Variants in GRID2 observed in about 807,000 individuals in gnomAD.
GRID2 encodes the protein glutamate ionotropic receptor delta type subunit 2, also known as glutamate receptor ionotropic, delta-2.
GRID2 carries 33 observed loss-of-function variants against 114.8 expected under a neutral mutation model. The ratio of observed to expected loss-of-function variants is 0.29; its 90% CI spans 0.22 to 0.38. GRID2 has a LOEUF of 0.38. Ranked by LOEUF, GRID2 falls within the 10% of genes least tolerant of loss-of-function variation. The pLI is 1.00. For synonymous variants in GRID2, 505 were observed against 449.9 expected, an observed-to-expected ratio of 1.12 and a Z score of -1.55; for missense variants, 1,184 against 1,257.7, an observed-to-expected ratio of 0.94 and a Z score of 0.89.
At chr4:92,541,489 TAATA>T (rs1405291583) in intron 1 of GRID2, among the ~76,000 whole-genome samples, 3 of 151,786 alleles carry the variant, frequency 2.0e-5, no homozygotes, top group Non-Finnish European at 2.9e-5. Flanking sequence ...TTTCCAATAA[TAATA>T]ATAATAATAT....
chr4:92,736,155 A>G (rs1736586990), intron 2 of GRID2, among the ~76,000 whole-genome samples: 1 of 152,138 alleles, frequency 6.6e-6, no homozygotes, highest in African/African-American at 2.4e-5. Context: ...TTATAAGGAA[A>G]ATAGAAAGGT....
At chr4:92,982,657 CT>C (rs1480317036) in intron 2 of GRID2, among the ~76,000 whole-genome samples, 1 of 152,032 alleles carries the variant, frequency 6.6e-6, no homozygotes, top group Non-Finnish European at 1.5e-5. Context: ...ACATTCTTTA[CT>C]CATTTGATTC....
At chr4:93,625,220 G>A (rs1301084753) in intron 13 of GRID2, among the ~76,000 whole-genome samples, 7 of 152,212 alleles carry the variant, frequency 4.6e-5, no homozygotes, top group Admixed American at 2.6e-4. Context: ...AACCCAAGGC[G>A]TCAGTAGCTC....
chr4:92,973,002 C>A (rs894234126), intron 2 of GRID2, among the ~76,000 whole-genome samples: 4 of 152,126 alleles, frequency 2.6e-5, no homozygotes, highest in Non-Finnish European at 5.9e-5. Context: ...TTAATCCAGT[C>A]TATCGTTGAT....
chr4:93,191,961 T>G (rs981475966), intron 4 of GRID2, among the ~76,000 whole-genome samples: 4 of 152,204 alleles, frequency 2.6e-5, no homozygotes, highest in Non-Finnish European at 5.9e-5. Context: ...GACCATTCAT[T>G]GTTCTTTTTA....
chr4:93,122,051 G>A (rs1733827888), intron 4 of GRID2, among the ~76,000 whole-genome samples: 1 of 152,058 alleles, frequency 6.6e-6, no homozygotes, highest in African/African-American at 2.4e-5. Flanking sequence ...CTTCTCTTCT[G>A]TCTGTCTTTT....
At chr4:93,279,749 G>A (rs1752458270) in intron 8 of GRID2, among the ~76,000 whole-genome samples, 1 of 151,858 alleles carries the variant, frequency 6.6e-6, no homozygotes, top group Admixed American at 6.6e-5. Context: ...GTTAAGAATG[G>A]CAGGTTAATT....
intron 7 of GRID2, among the ~76,000 whole-genome samples, chr4:93,233,636 C>G (rs1746415765): frequency 1.3e-5 from 2 of 152,074 alleles, no homozygotes; most frequent in African/African-American, 4.8e-5. Flanking sequence ...AGCCACCACA[C>G]CCAGCCGACA....
At chr4:92,676,812 GCT>G (rs1173523105) in intron 2 of GRID2, among the ~76,000 whole-genome samples, 9 of 152,092 alleles carry the variant, frequency 5.9e-5, no homozygotes, top group Non-Finnish European at 1.3e-4. Context: ...TCAAATAGAT[GCT>G]TATACACCTG....
At chr4:92,869,207 T>A (rs976129276) in intron 2 of GRID2, among the ~76,000 whole-genome samples, 2 of 152,194 alleles carry the variant, frequency 1.3e-5, no homozygotes, top group Non-Finnish European at 2.9e-5. Context: ...GGTGATACTG[T>A]CATTAGCTGA....
chr4:92,593,143 C>G (rs1398068271), intron 2 of GRID2, among the ~76,000 whole-genome samples: 1 of 151,990 alleles, frequency 6.6e-6, no homozygotes, highest in East Asian at 1.9e-4. Flanking sequence ...TAGAAAAACT[C>G]ATGGTTTTGA....
chr4:92,924,160 A>G (rs1337930701), intron 2 of GRID2, among the ~76,000 whole-genome samples: 3 of 152,176 alleles, frequency 2.0e-5, no homozygotes, highest in Admixed American at 1.3e-4. Context: ...CAAAAAACCA[A>G]ACACCACATG....
At chr4:92,669,924 C>A (rs929940987) in intron 2 of GRID2, among the ~76,000 whole-genome samples, 3 of 151,970 alleles carry the variant, frequency 2.0e-5, no homozygotes, top group African/African-American at 7.2e-5. Flanking sequence ...AGAGAACTTC[C>A]AGATATATTC....
At chr4:92,764,983 CATA>C (rs1273749487) in intron 2 of GRID2, among the ~76,000 whole-genome samples, 3 of 152,168 alleles carry the variant, frequency 2.0e-5, no homozygotes, top group Non-Finnish European at 4.4e-5. Flanking sequence ...TAATGACCAC[CATA>C]ATAACTCATT....
At position 92,383,204 on chromosome 4, in the gene GRID2, C is replaced by T. The variant is rs114638416; in HGVS notation, c.88+78460C>T. ...TGATCCAATCACCTCCTACCAGGCC[C>T]CACCTCCAACACTGAGTATTACAAT... On this transcript the variant is annotated intron_variant, in intron 1 of 15. Transcript: ENST00000282020. Among the ~76,000 whole-genome samples, 1,124 of 152,062 alleles carry T rather than the reference C, an allele frequency of 7.4e-3. 13 individuals are homozygous for T. The highest frequency in any genetic ancestry group is 0.026 in the African/African-American group (1,063 of 41,496).
intron 14 of GRID2, among the ~76,000 whole-genome samples, chr4:93,706,807 G>A (rs1201012534): frequency 6.6e-6 from 1 of 152,110 alleles, no homozygotes; most frequent in Non-Finnish European, 1.5e-5. Flanking sequence ...TTAGAGGAAA[G>A]ACTTTCAGTT....
intron 1 of GRID2, among the ~76,000 whole-genome samples, chr4:92,348,760 G>A (rs549974584): frequency 6.6e-6 from 1 of 152,174 alleles, no homozygotes; most frequent in East Asian, 1.9e-4. Context: ...AACACATAAC[G>A]TCTCCAGGCC....
At chr4:93,589,397 G>A (rs999678865) in intron 13 of GRID2, among the ~76,000 whole-genome samples, 2 of 151,454 alleles carry the variant, frequency 1.3e-5, no homozygotes, top group Non-Finnish European at 2.9e-5. Context: ...ATTTTTTATG[G>A]CTGCATAGTA....
intron 8 of GRID2, among the ~76,000 whole-genome samples, chr4:93,260,090 T>G (rs1750086762): frequency 6.6e-6 from 1 of 151,736 alleles, no homozygotes; most frequent in Non-Finnish European, 1.5e-5. Flanking sequence ...AATTGTGATT[T>G]TATTACATAT....
Sources: allele counts gnomAD v4.1 joint callset (sites outside exome capture counted in the v4.1 genomes callset), GRCh38; gene constraint gnomAD v4.1.1; transcripts MANE v1.5; gene names NCBI Gene and HGNC (gene_info 2026-07-23, HGNC 2026-07-21).